Variants in DAB1 observed in about 807,000 individuals in gnomAD.
DAB1 encodes disabled homolog 1.
Under a neutral mutation model 64.6 loss-of-function variants are expected in DAB1, and 15 were observed. The ratio of observed to expected loss-of-function variants is 0.23; its 90% confidence interval spans 0.16 to 0.36. The LOEUF is 0.36. DAB1 is among the 10% of genes least tolerant of loss of function. The probability of loss-of-function intolerance (pLI) is 1.00; values close to 1 mark genes in which losing one functional copy is unlikely to be tolerated. For synonymous variants in DAB1, 235 were observed against 251.9 expected (o/e 0.93, Z 0.64); for missense variants, 596 against 706.7 (o/e 0.84, Z 1.78).
intron 3 of DAB1, among the ~76,000 whole-genome samples, chr1:58,493,381 A>G (rs955978439): frequency 2.0e-5 from 3 of 151,898 alleles, no homozygotes; most frequent in African/African-American, 7.3e-5. Context: ...CTCTCTCACC[A>G]CTCCTATTCA....
At chr1:58,245,043 C>T (rs911257927) in intron 4 of DAB1, among the ~76,000 whole-genome samples, 1 of 152,182 alleles carries the variant, frequency 6.6e-6, no homozygotes, top group Non-Finnish European at 1.5e-5. Context: ...GAACTATGTC[C>T]ACAACTGCTC....
intron 5 of DAB1, among the ~76,000 whole-genome samples, chr1:58,039,746 A>G (rs1427644485): frequency 6.6e-6 from 1 of 152,154 alleles, no homozygotes; most frequent in Non-Finnish European, 1.5e-5. Flanking sequence ...TGGGCCACCT[A>G]GAAAAGATTT....
At chr1:58,228,848 G>A in intron 4 of DAB1, 1 of 613,230 alleles carries the variant, frequency 1.6e-6, no homozygotes, top group Non-Finnish European at 3.1e-6. Context: ...ACACCAGGGA[G>A]CTCAGCACCA....
chr1:58,196,359 A>G (rs969067558), intron 4 of DAB1, among the ~76,000 whole-genome samples: 1 of 152,198 alleles, frequency 6.6e-6, no homozygotes. Context: ...CTGTCATACT[A>G]TATAACTTGA....
At chr1:58,048,619 A>G in intron 5 of DAB1, 3 of 1,101,008 alleles carry the variant, frequency 2.7e-6, no homozygotes, top group Non-Finnish European at 4.1e-6. Context: ...CAAAGCCACC[A>G]TGACCACTAA....
chr1:57,559,037 T>C (rs187940569), intron 7 of DAB1, among the ~76,000 whole-genome samples: 2 of 152,262 alleles, frequency 1.3e-5, no homozygotes, highest in Non-Finnish European at 2.9e-5. Flanking sequence ...TTAAATACAA[T>C]AGGAATAATT....
chr1:58,099,349 A>G (rs1056331888), intron 5 of DAB1, among the ~76,000 whole-genome samples: 7 of 152,250 alleles, frequency 4.6e-5, no homozygotes, highest in Non-Finnish European at 1.0e-4. Flanking sequence ...CATCTTGACA[A>G]CAGGGACTGC....
At chr1:57,765,797 T>C (rs895219523) in intron 6 of DAB1, among the ~76,000 whole-genome samples, 1 of 152,164 alleles carries the variant, frequency 6.6e-6, no homozygotes, top group Non-Finnish European at 1.5e-5. Context: ...TATTTTTATT[T>C]ATTTTTATTT....
At chr1:57,027,227 T>G (rs897482101) in intron 9 of DAB1, among the ~76,000 whole-genome samples, 1 of 152,104 alleles carries the variant, frequency 6.6e-6, no homozygotes, top group Non-Finnish European at 1.5e-5. Flanking sequence ...GGAGTACTGG[T>G]AAGATAAACC....
chr1:57,031,318 T>C (rs1646960260), intron 9 of DAB1, among the ~76,000 whole-genome samples: 1 of 152,190 alleles, frequency 6.6e-6, no homozygotes, highest in Admixed American at 6.5e-5. Flanking sequence ...CTCCTCCCCA[T>C]GTTAACCCCA....
chr1:57,467,685 T>A (rs1015632459), intron 7 of DAB1, among the ~76,000 whole-genome samples: 6 of 152,086 alleles, frequency 3.9e-5, no homozygotes, highest in African/African-American at 1.4e-4. Context: ...TGCTAGATGG[T>A]ATATGAATGA....
At chr1:58,150,877 G>A (rs1363195513) in intron 4 of DAB1, among the ~76,000 whole-genome samples, 2 of 151,868 alleles carry the variant, frequency 1.3e-5, no homozygotes, top group South Asian at 4.2e-4. Context: ...GGTGTGTGAT[G>A]TTCCCCTTCC....
intron 6 of DAB1, among the ~76,000 whole-genome samples, chr1:57,797,359 T>C (rs923737742): frequency 2.0e-5 from 3 of 152,182 alleles, no homozygotes; most frequent in Admixed American, 2.0e-4. Flanking sequence ...CTGAAGGCAA[T>C]ACTCCAGTTT....
intron 7 of DAB1, among the ~76,000 whole-genome samples, chr1:57,438,967 A>G (rs1351734315): frequency 6.6e-6 from 1 of 152,104 alleles, no homozygotes; most frequent in African/African-American, 2.4e-5. Flanking sequence ...TCAGAGGTTG[A>G]CTCCACTCTC....
intron 2 of DAB1, among the ~76,000 whole-genome samples, chr1:58,523,943 T>C (rs1018470741): frequency 2.6e-5 from 4 of 152,104 alleles, no homozygotes; most frequent in African/African-American, 9.7e-5. Context: ...GCAAGATAAT[T>C]CTTAACTTTA....
intron 5 of DAB1, among the ~76,000 whole-genome samples, chr1:58,136,228 T>C (rs1653935842): frequency 6.6e-6 from 1 of 152,202 alleles, no homozygotes; most frequent in Non-Finnish European, 1.5e-5. Flanking sequence ...GCTAGTTGTG[T>C]GTAAGAATAC....
intron 1 of DAB1, among the ~76,000 whole-genome samples, chr1:57,329,163 G>A (rs893969818): frequency 2.0e-5 from 3 of 152,136 alleles, no homozygotes; most frequent in Non-Finnish European, 2.9e-5. Flanking sequence ...CACAATGAGT[G>A]CTGAACCCTG....
Position 57,984,256 on chromosome 1 carries a change from G to A in DAB1, n.388-100094C>T, listed in dbSNP as rs867961707. Among the ~76,000 whole-genome samples, 501 of 128,908 alleles carry A rather than the reference G, an allele frequency of 3.9e-3. 7 individuals carry two copies. Among genetic ancestry groups the A allele is most frequent in the African/African-American group, 9.5e-3 (310 of 32,740 alleles). 84.6% of individuals were successfully genotyped at this position (128,908 alleles called of 152,430 possible). A position where few individuals can be genotyped will look rare whatever the true frequency, so the allele number is the denominator to read the frequency against. ...AGAAAGAAAGAAAGAAAGAAAGAAA[G>A]AAAGAAAAAAAATTAAACAGCCAAA... On this transcript the variant is annotated intron_variant and non_coding_transcript_variant, in intron 5 of 20. Transcript: ENST00000485760.
intron 6 of DAB1, among the ~76,000 whole-genome samples, chr1:57,797,675 G>A (rs1472699979): frequency 1.3e-5 from 2 of 152,208 alleles, no homozygotes; most frequent in Non-Finnish European, 2.9e-5. Flanking sequence ...ATGCTTACAA[G>A]CTGTAGAAAG....
Sources: gnomAD v4.1 joint callset for allele counts (sites outside exome capture counted in the v4.1 genomes callset) on GRCh38, gnomAD v4.1.1 for gene constraint, MANE v1.5 for transcripts, NCBI Gene and HGNC (gene_info 2026-07-23, HGNC 2026-07-21) for gene names.